The following PPM1H variants were observed in gnomAD, a reference collection of about 807,000 sequenced individuals.
PPM1H encodes the protein protein phosphatase, Mg2+/Mn2+ dependent 1H.
A neutral mutation model predicts 54.9 loss-of-function variants in PPM1H; 27 were observed. The ratio of observed to expected loss-of-function variants is 0.49; its 90% CI spans 0.36 to 0.68. The LOEUF is 0.68. Ranked by LOEUF, PPM1H falls within the 30% of genes least tolerant of loss-of-function variation. PPM1H has a pLI of 0.00. For missense variants in PPM1H, 596 were observed against 667.8 expected (o/e 0.89, Z 1.19); for synonymous variants, 305 against 270.8 (o/e 1.13, Z -1.24).
chr12:62,728,807 A>G (rs901820225), intron 5 of PPM1H, among the ~76,000 whole-genome samples: 1 of 152,214 alleles, frequency 6.6e-6, no homozygotes, highest in Non-Finnish European at 1.5e-5. Flanking sequence ...TTATGGGAGA[A>G]GTCTAAGGTG....
Position 62,648,502 on chromosome 12 carries a change from T to G in PPM1H, c.1532A>C (p.Asn511Thr). Residue 511 changes from asparagine to threonine, a missense_variant, in exon 10 of 10, where the codon AAC becomes ACC. By Grantham distance (65) the Asn-to-Thr change is moderately conservative. Transcript: ENST00000228705. ...SVYVIPLIHG[N>T]KLS ...CCTGGGCCATTTTCATGACAGCTTG[T>G]TTCCATGTATTAAAGGAATGACATA... 6.2e-7 allele frequency: 1 copy of G among 1,613,970 alleles called. No individual in the cohort carries two copies. Among genetic ancestry groups the G allele is most frequent in the Non-Finnish European group, 8.5e-7 (1 of 1,179,874 alleles).
chr12:62,692,962 C>CACACACAT (rs1366763490), intron 7 of PPM1H, among the ~76,000 whole-genome samples: 1 of 151,806 alleles, frequency 6.6e-6, no homozygotes, highest in East Asian at 1.9e-4. Flanking sequence ...CACACACACA[C>CACACACAT]ACTCTGCCCA....
At chr12:62,676,530 G>C (rs2075987399) in intron 8 of PPM1H, among the ~76,000 whole-genome samples, 1 of 152,300 alleles carries the variant, frequency 6.6e-6, no homozygotes, top group South Asian at 2.1e-4. Flanking sequence ...CCCTGCCCCT[G>C]CAGGCTTGGA....
At position 62,690,803 on chromosome 12, in the gene PPM1H, C is replaced by T. The variant is rs183244459; in HGVS notation, c.1138-997G>A. Among the ~76,000 whole-genome samples, 462 of 152,230 alleles carry T rather than the reference C, an allele frequency of 3.0e-3. 2 individuals are homozygous for T. The highest frequency in any genetic ancestry group is 4.7e-3 in the Non-Finnish European group (320 of 68,024). On this transcript the variant is annotated intron_variant, in intron 7 of 9. Transcript: ENST00000228705. ...CCTGGCTGACATGGTGAAACCCCAT[C>T]TCTACGAAAAATACAAAATTTAGCT...
At chr12:62,780,022 A>G (rs958824491) in intron 4 of PPM1H, among the ~76,000 whole-genome samples, 21 of 152,214 alleles carry the variant, frequency 1.4e-4, no homozygotes, top group African/African-American at 4.8e-4. Flanking sequence ...TGACATTAAT[A>G]GTACTTCCCC....
chr12:62,794,126 A>G (rs1038460495), intron 3 of PPM1H, among the ~76,000 whole-genome samples: 1 of 152,270 alleles, frequency 6.6e-6, no homozygotes, highest in Admixed American at 6.5e-5. Context: ...GGCAATGGGG[A>G]AGAAAAGCCA....
At chr12:62,833,015 T>C (rs540889656) in intron 1 of PPM1H, among the ~76,000 whole-genome samples, 1 of 152,336 alleles carries the variant, frequency 6.6e-6, no homozygotes, top group Non-Finnish European at 1.5e-5. Context: ...GCATCATTCA[T>C]GCACCTTTTT....
intron 2 of PPM1H, among the ~76,000 whole-genome samples, chr12:62,830,071 C>G (rs4763032): frequency 0.092 from 13,985 of 152,186 alleles, 1,107 homozygotes; most frequent in African/African-American, 0.22. Context: ...AACATGCAAA[C>G]TTCACTCATA....
intron 1 of PPM1H, among the ~76,000 whole-genome samples, chr12:62,853,059 C>G (rs1014320090): frequency 6.6e-6 from 1 of 151,618 alleles, no homozygotes; most frequent in Non-Finnish European, 1.5e-5. Context: ...AATAAAAAGG[C>G]CATAAAAAGA....
Position 62,934,386 on chromosome 12 carries a change from G to A in PPM1H, c.245+106C>T, listed in dbSNP as rs1419679405. The A allele has an allele frequency of 2.2e-6, 3 of 1,361,250 alleles. No individual in the cohort carries two copies. Among genetic ancestry groups the A allele is most frequent in the South Asian group, 3.2e-5 (2 of 62,846 alleles). 84.3% of individuals were successfully genotyped at this position (1,361,250 alleles called of 1,614,324 possible). A position where few individuals can be genotyped will look rare whatever the true frequency, so the allele number is the denominator to read the frequency against. On this transcript the variant is annotated intron_variant, in intron 1 of 9. Transcript: ENST00000228705. The surrounding 1 kb of genome is among the most constrained non-coding windows in gnomAD (Gnocchi z 4.2). ...CCCCGCCGAGGCCTGGACGCCGGCA[G>A]CTAGTGAGAGCCCTGAGGCCGAGAA...
intron 6 of PPM1H, among the ~76,000 whole-genome samples, chr12:62,707,205 G>A (rs1281449532): frequency 6.6e-6 from 1 of 152,198 alleles, no homozygotes; most frequent in Admixed American, 6.5e-5. Flanking sequence ...TTTATACTAT[G>A]TGTGAAGCCT....
chr12:62,926,287 C>T (rs1871968803), intron 1 of PPM1H, among the ~76,000 whole-genome samples: 1 of 152,170 alleles, frequency 6.6e-6, no homozygotes, highest in South Asian at 2.1e-4. Context: ...TATTCCTATA[C>T]TTGGGTTCTA....
At chr12:62,885,636 T>A (rs1241927344) in intron 1 of PPM1H, among the ~76,000 whole-genome samples, 1 of 152,198 alleles carries the variant, frequency 6.6e-6, no homozygotes, top group Non-Finnish European at 1.5e-5. Context: ...CAACTTATAA[T>A]TCTGCCTACC....
At chr12:62,865,479 C>A (rs1175932034) in intron 1 of PPM1H, among the ~76,000 whole-genome samples, 1 of 152,198 alleles carries the variant, frequency 6.6e-6, no homozygotes, top group Non-Finnish European at 1.5e-5. Context: ...AGGAACTTCA[C>A]CCTCACTTGA....
chr12:62,907,309 G>A (rs146895137), intron 1 of PPM1H, among the ~76,000 whole-genome samples: 1 of 152,166 alleles, frequency 6.6e-6, no homozygotes, highest in Non-Finnish European at 1.5e-5. Context: ...TCATCATCAC[G>A]AGTCTTGGGA....
At chr12:62,855,828 G>A (rs3907579) in intron 1 of PPM1H, among the ~76,000 whole-genome samples, 5,612 of 152,172 alleles carry the variant, frequency 0.037, 380 homozygotes, top group African/African-American at 0.13. Context: ...GGATATTTTT[G>A]TATATCCATA....
chr12:62,801,547 C>T (rs1360493446), intron 3 of PPM1H, among the ~76,000 whole-genome samples: 1 of 152,192 alleles, frequency 6.6e-6, no homozygotes, highest in East Asian at 1.9e-4. Flanking sequence ...GAACTCCTGA[C>T]CTCCTGCCTC....
intron 4 of PPM1H, among the ~76,000 whole-genome samples, chr12:62,767,089 C>T (rs919578326): frequency 1.4e-4 from 22 of 152,272 alleles, no homozygotes; most frequent in African/African-American, 7.2e-5. Context: ...AAGCTCCTGA[C>T]GCTCTGCAGA....
At chr12:62,920,617 C>T (rs965813102) in intron 1 of PPM1H, among the ~76,000 whole-genome samples, 2 of 147,954 alleles carry the variant, frequency 1.4e-5, no homozygotes, top group Admixed American at 6.7e-5. Flanking sequence ...CCATGGCACC[C>T]GGCATCAAAA....
Sources: allele counts gnomAD v4.1 joint callset (sites outside exome capture counted in the v4.1 genomes callset), GRCh38; gene constraint gnomAD v4.1.1; non-coding constraint Gnocchi (gnomAD v3.1); transcripts MANE v1.5; gene names NCBI Gene and HGNC (gene_info 2026-07-23, HGNC 2026-07-21).